Variants in SLC35F3 observed in about 807,000 individuals in gnomAD.
The protein encoded by SLC35F3 is putative thiamine transporter SLC35F3.
In SLC35F3, 25 loss-of-function variants were observed where a neutral mutation model predicts 49.9. That is an observed-to-expected ratio of 0.50 (90% CI 0.37 to 0.70). The LOEUF (loss-of-function observed/expected upper bound fraction) is 0.70, where lower values mean the gene tolerates loss of function less well. Ranked by LOEUF, SLC35F3 falls within the 30% of genes least tolerant of loss-of-function variation. The pLI is 0.00. For missense variants in SLC35F3, 525 were observed against 639.8 expected, an observed-to-expected ratio of 0.82 and a Z score of 1.94; for synonymous variants, 275 against 265.4, an observed-to-expected ratio of 1.04 and a Z score of -0.35.
At chr1:234,301,815 TAAAG>T (rs1170793825) in intron 3 of SLC35F3, among the ~76,000 whole-genome samples, 1 of 152,100 alleles carries the variant, frequency 6.6e-6, no homozygotes, top group African/African-American at 2.4e-5. Context: ...ATAGACTGGA[TAAAG>T]AAAGTGCAGT....
At chr1:234,288,796 G>A (rs913424606) in intron 3 of SLC35F3, among the ~76,000 whole-genome samples, 5 of 152,194 alleles carry the variant, frequency 3.3e-5, no homozygotes, top group African/African-American at 1.2e-4. Context: ...AGTGGAAGCA[G>A]GGTTCAAACC....
intron 3 of SLC35F3, among the ~76,000 whole-genome samples, chr1:234,264,843 A>C (rs1432857947): frequency 1.3e-5 from 2 of 152,204 alleles, no homozygotes; most frequent in Non-Finnish European, 2.9e-5. Flanking sequence ...ATGCTCCTCC[A>C]TACCTGGCCA....
intron 2 of SLC35F3, among the ~76,000 whole-genome samples, chr1:233,981,546 T>C (rs904801234): frequency 1.3e-5 from 2 of 152,136 alleles, no homozygotes; most frequent in Non-Finnish European, 2.9e-5. Flanking sequence ...CACAATTTGT[T>C]TTACTGTCTA....
At chr1:234,012,700 A>C (rs1407432991) in intron 2 of SLC35F3, among the ~76,000 whole-genome samples, 2 of 152,226 alleles carry the variant, frequency 1.3e-5, no homozygotes, top group African/African-American at 2.4e-5. Flanking sequence ...GGGCAAAGTT[A>C]CAAATTAACA....
intron 2 of SLC35F3, among the ~76,000 whole-genome samples, chr1:234,219,248 C>T (rs1558263975): frequency 1.3e-5 from 2 of 151,964 alleles, no homozygotes; most frequent in Non-Finnish European, 2.9e-5. Flanking sequence ...CAGGATAAGA[C>T]GGTTATCCTG....
intron 2 of SLC35F3, among the ~76,000 whole-genome samples, chr1:234,051,370 G>C (rs1484225080): frequency 6.6e-6 from 1 of 152,122 alleles, no homozygotes. Flanking sequence ...TTCTAAGTTG[G>C]ATTCCTAGGT....
chr1:234,321,689 G>A (rs562506838), intron 7 of SLC35F3, among the ~76,000 whole-genome samples: 20 of 152,274 alleles, frequency 1.3e-4, no homozygotes, highest in Admixed American at 3.3e-4. Context: ...CAACATAAAA[G>A]GTTTAATGAT....
At chr1:234,170,619 T>C (rs1377613521) in intron 2 of SLC35F3, among the ~76,000 whole-genome samples, 1 of 152,016 alleles carries the variant, frequency 6.6e-6, no homozygotes, top group Non-Finnish European at 1.5e-5. Context: ...GGCCTGAGCT[T>C]TTCCTAAGGC....
intron 2 of SLC35F3, among the ~76,000 whole-genome samples, chr1:234,229,668 C>T (rs1667337241): frequency 6.6e-6 from 1 of 152,156 alleles, no homozygotes; most frequent in Admixed American, 6.5e-5. Context: ...TCTCTACAAT[C>T]ATCTTTTCAG....
intron 2 of SLC35F3, among the ~76,000 whole-genome samples, chr1:233,913,194 A>G (rs1661911066): frequency 6.6e-6 from 1 of 152,226 alleles, no homozygotes; most frequent in Non-Finnish European, 1.5e-5. Flanking sequence ...AAGGGACAAC[A>G]TATGCACGGG....
chr1:234,245,863 G>A (rs1667623859), intron 3 of SLC35F3, among the ~76,000 whole-genome samples: 1 of 152,230 alleles, frequency 6.6e-6, no homozygotes, highest in Non-Finnish European at 1.5e-5. Context: ...AGAGGGATCA[G>A]TGGACACACA....
intron 2 of SLC35F3, among the ~76,000 whole-genome samples, chr1:234,108,665 A>AAAAGATACATATATTTATATAT (rs1665337241): frequency 2.8e-5 from 2 of 72,506 alleles, no homozygotes; most frequent in African/African-American, 3.7e-5. Context: ...ATTTATATAT[A>AAAAGATACATATATTTATATAT]TAAAAGATAT....
intron 2 of SLC35F3, among the ~76,000 whole-genome samples, chr1:233,966,890 G>A (rs1183201829): frequency 1.3e-5 from 2 of 152,152 alleles, no homozygotes; most frequent in Non-Finnish European, 2.9e-5. Context: ...GGCCCTGAAC[G>A]AACAAGTATA....
At chr1:234,183,644 A>G (rs951799290) in intron 2 of SLC35F3, among the ~76,000 whole-genome samples, 1 of 142,838 alleles carries the variant, frequency 7.0e-6, no homozygotes, top group Non-Finnish European at 1.5e-5. Flanking sequence ...TGGTAGCTCT[A>G]TATCCATATG....
chr1:234,227,190 G>A (rs931810184), intron 2 of SLC35F3, among the ~76,000 whole-genome samples: 4 of 152,308 alleles, frequency 2.6e-5, no homozygotes, highest in African/African-American at 7.2e-5. Flanking sequence ...AGAACTGCTG[G>A]CTAAAGTACA....
At chr1:234,123,732 A>C (rs1040048221) in intron 2 of SLC35F3, among the ~76,000 whole-genome samples, 2 of 152,064 alleles carry the variant, frequency 1.3e-5, no homozygotes, top group African/African-American at 4.8e-5. Flanking sequence ...ATTGATTTCT[A>C]ATCCAACACT....
chr1:234,068,829 A>T (rs1219962437), intron 2 of SLC35F3, among the ~76,000 whole-genome samples: 3 of 108,324 alleles, frequency 2.8e-5, no homozygotes, highest in African/African-American at 1.0e-4. Flanking sequence ...GACATTATAT[A>T]TATATATATA....
At chr1:234,033,411 T>A (rs946486656) in intron 2 of SLC35F3, among the ~76,000 whole-genome samples, 1 of 152,218 alleles carries the variant, frequency 6.6e-6, no homozygotes, top group Admixed American at 6.5e-5. Context: ...TTGGGATTCC[T>A]GGTAATGAAT....
chr1:234,102,177 A>T (rs2102882849), intron 2 of SLC35F3, among the ~76,000 whole-genome samples: 1 of 152,336 alleles, frequency 6.6e-6, no homozygotes, highest in South Asian at 2.1e-4. Context: ...CATATCTTTC[A>T]TCCCCTGGGA....
Sources: allele counts gnomAD v4.1 joint callset (sites outside exome capture counted in the v4.1 genomes callset), GRCh38; gene constraint gnomAD v4.1.1; transcripts MANE v1.5; gene names NCBI Gene and HGNC (gene_info 2026-07-23, HGNC 2026-07-21).